The following CES5A variants were observed in gnomAD, a reference collection of about 807,000 sequenced individuals.
The protein encoded by CES5A is carboxylesterase 5.
Under a neutral mutation model 62.9 loss-of-function variants are expected in CES5A, and 67 were observed. The ratio of observed to expected loss-of-function variants is 1.07; its 90% CI spans 0.88 to 1.31. The LOEUF (loss-of-function observed/expected upper bound fraction) is 1.31, where lower values mean the gene tolerates loss of function less well. CES5A is among the 50% of genes most tolerant of loss of function. The probability of loss-of-function intolerance (pLI) is 0.00; values close to 1 mark genes in which losing one functional copy is unlikely to be tolerated. For missense variants in CES5A, 748 were observed against 708.5 expected, an observed-to-expected ratio of 1.06 and a Z score of -0.63; for synonymous variants, 296 against 280.8, an observed-to-expected ratio of 1.05 and a Z score of -0.54.
chr16:55,932,757 G>A (rs1276566340), intron 2 of CES5A, among the ~76,000 whole-genome samples: 1 of 152,210 alleles, frequency 6.6e-6, no homozygotes, highest in Non-Finnish European at 1.5e-5. Context: ...CAGTGAGCTA[G>A]GGGCTGATGA....
chr16:55,929,508 A>G (rs1482095294), upstream of CES5A, among the ~76,000 whole-genome samples: 1 of 152,016 alleles, frequency 6.6e-6, no homozygotes, highest in Non-Finnish European at 1.5e-5. Flanking sequence ...CTGCGCCTCC[A>G]CATCCACAGA....
At chr16:55,903,229 C>T (rs1382518915) in intron 1 of CES5A, among the ~76,000 whole-genome samples, 1 of 152,060 alleles carries the variant, frequency 6.6e-6, no homozygotes, top group Non-Finnish European at 1.5e-5. Context: ...CACCTGTGTG[C>T]AGGTGTCAAC....
At chr16:55,847,302 CCT>C (rs1203533935) in intron 11 of CES5A, among the ~76,000 whole-genome samples, 2 of 146,720 alleles carry the variant, frequency 1.4e-5, no homozygotes, top group East Asian at 2.0e-4. Flanking sequence ...CTTCTTTCTC[CCT>C]CTCTCTCTCC....
intron 1 of CES5A, among the ~76,000 whole-genome samples, chr16:55,923,427 A>T (rs1816312459): frequency 1.3e-5 from 2 of 151,872 alleles, no homozygotes; most frequent in Admixed American, 1.3e-4. Flanking sequence ...GAAGAAATGG[A>T]TAAATGTCTG....
chr16:55,891,802 G>T (rs1479175980), intron 1 of CES5A, among the ~76,000 whole-genome samples: 1 of 152,160 alleles, frequency 6.6e-6, no homozygotes, highest in African/African-American at 2.4e-5. Flanking sequence ...ATTCTCATCA[G>T]ATGGGTTTTA....
upstream of CES5A, among the ~76,000 whole-genome samples, chr16:55,877,819 T>A (rs1456701731): frequency 6.6e-6 from 1 of 152,178 alleles, no homozygotes; most frequent in East Asian, 1.9e-4. Context: ...ACTGGTCCAA[T>A]ATCACAAAGC....
At chr16:55,852,526 T>G (rs555519818) in intron 10 of CES5A, among the ~76,000 whole-genome samples, 1 of 152,370 alleles carries the variant, frequency 6.6e-6, no homozygotes, top group East Asian at 1.9e-4. Flanking sequence ...CCATTACTCC[T>G]TATAGCTGTA....
intron 2 of CES5A, among the ~76,000 whole-genome samples, chr16:55,941,961 A>T (rs1279471998): frequency 6.6e-6 from 1 of 152,162 alleles, no homozygotes; most frequent in Non-Finnish European, 1.5e-5. Flanking sequence ...ATAAACTTCC[A>T]AGGCGTTAAG....
At chr16:55,870,591 G>T (rs371541856) in intron 3 of CES5A, among the ~76,000 whole-genome samples, 2 of 151,982 alleles carry the variant, frequency 1.3e-5, no homozygotes, top group East Asian at 1.9e-4. Context: ...CCAGCTACTT[G>T]GGAGGCTGAG....
chr16:55,900,376 C>T (rs1454037474), intron 1 of CES5A, among the ~76,000 whole-genome samples: 1 of 152,166 alleles, frequency 6.6e-6, no homozygotes, highest in Non-Finnish European at 1.5e-5. Flanking sequence ...CTAAGACACA[C>T]AACATTGATC....
chr16:55,944,274 T>C (rs572315355), intron 2 of CES5A: 9 of 604,666 alleles, frequency 1.5e-5, no homozygotes, highest in Non-Finnish European at 2.4e-5. Flanking sequence ...ATGGAGTTAA[T>C]GGCCCCTGGT....
chr16:55,934,113 A>G (rs1207463337), intron 2 of CES5A, among the ~76,000 whole-genome samples: 2 of 152,134 alleles, frequency 1.3e-5, no homozygotes, highest in Non-Finnish European at 2.9e-5. Flanking sequence ...TGACTGTCCT[A>G]TTTAAAATTG....
rs1331415073 is a variant in CES5A, at chr16:55,849,676, T to A, written c.1371A>T (p.Glu457Asp). 1 of 1,614,008 alleles carries A rather than the reference T, an allele frequency of 6.2e-7. No individual in the cohort carries two copies. The highest frequency in any genetic ancestry group is 8.5e-7 in the Non-Finnish European group (1 of 1,179,898). Residue 457 changes from glutamate (E) to aspartate (D), a missense_variant, in exon 11 of 13, where the codon GAA becomes GAT. Transcript: ENST00000290567. ...PAFVKADHAD[E>D]VRFVFGGAFL... ...AGGCACCACCGAACACAAAGCGGAC[T>A]TCATCAGCGTGGTCGGCTTTGACAA...
chr16:55,944,189 G>C, intron 2 of CES5A: 1 of 691,786 alleles, frequency 1.4e-6, no homozygotes, highest in South Asian at 1.5e-5. Context: ...TCCCAGTCCT[G>C]GTTCCATCAA....
chr16:55,898,116 G>T (rs1484676632), intron 1 of CES5A, among the ~76,000 whole-genome samples: 1 of 152,212 alleles, frequency 6.6e-6, no homozygotes. Context: ...TTTGATCTGT[G>T]TCATGTGGCT....
chr16:55,846,803 C>A lies in CES5A; in HGVS notation c.1461G>T (p.Lys487Asn). 1 of 1,614,186 alleles carries A rather than the reference C, an allele frequency of 6.2e-7. No individual in the cohort carries two copies. The highest frequency in any genetic ancestry group is 2.2e-5 in the East Asian group (1 of 44,864). ...ATEEEKLLSR[K>N]MMKYWATFAR... ...CAAAGGTAGCCCAGTATTTCATCAT[C>A]TTCCGGCTCAGTAACTTCTCCTCCT... The change falls in exon 12 of 13, where the codon AAG becomes AAT. Residue 487 changes from lysine to asparagine, a missense_variant. Coordinates refer to ENST00000290567, the MANE Select transcript of CES5A (RefSeq NM_001143685.2).
chr16:55,919,321 G>A (rs1020079739), intron 1 of CES5A, among the ~76,000 whole-genome samples: 5 of 152,342 alleles, frequency 3.3e-5, no homozygotes, highest in South Asian at 4.1e-4. Context: ...AATTTGTCAG[G>A]TCAAAGGGCT....
intron 3 of CES5A, among the ~76,000 whole-genome samples, chr16:55,871,325 A>G (rs190400652): frequency 2.6e-4 from 39 of 152,368 alleles, no homozygotes; most frequent in African/African-American, 8.9e-4. Context: ...TTAAGAAAAA[A>G]GTCAGATTCC....
intron 7 of CES5A, 24 bp downstream of exon 7, chr16:55,861,388 C>A (rs768910343): frequency 6.2e-6 from 9 of 1,442,796 alleles, no homozygotes; most frequent in Middle Eastern, 1.7e-4. Flanking sequence ...AGCCTGCCCC[C>A]AAAACTGCCC....
Sources: gnomAD v4.1 joint callset for allele counts (sites outside exome capture counted in the v4.1 genomes callset) on GRCh38, gnomAD v4.1.1 for gene constraint, MANE v1.5 for transcripts, NCBI Gene and HGNC (gene_info 2026-07-23, HGNC 2026-07-21) for gene names.